The following LDLRAD4 variants were observed in gnomAD, a reference collection of about 807,000 sequenced individuals.
LDLRAD4 encodes the protein low density lipoprotein receptor class A domain containing 4, also known as low-density lipoprotein receptor class A domain-containing protein 4.
Under a neutral mutation model 17.0 loss-of-function variants are expected in LDLRAD4, and 5 were observed. The observed-to-expected ratio is 0.29, with a 90% CI of 0.15 to 0.62. The LOEUF (loss-of-function observed/expected upper bound fraction) is 0.62. Among genes scored for constraint, LDLRAD4 ranks in the 20% least tolerant of loss-of-function variants. The pLI is 0.84. For synonymous variants in LDLRAD4, 168 were observed against 171.8 expected (o/e 0.98, Z 0.17); for missense variants, 340 against 424.7 (o/e 0.80, Z 1.75).
At chr18:13,453,135 A>G (rs1007917060) in intron 3 of LDLRAD4, among the ~76,000 whole-genome samples, 1 of 152,248 alleles carries the variant, frequency 6.6e-6, no homozygotes, top group African/African-American at 2.4e-5. Flanking sequence ...TCGTTTTAAA[A>G]GAAGCAGGAC....
chr18:13,488,523 C>T (rs1195037602), intron 3 of LDLRAD4: 6 of 152,270 alleles, frequency 3.9e-5, no homozygotes, highest in Non-Finnish European at 7.3e-5. Context: ...ATTGTGGAGC[C>T]CTGCCTGTGC....
At chr18:13,455,313 A>G (rs2092068889) in intron 3 of LDLRAD4, among the ~76,000 whole-genome samples, 1 of 152,260 alleles carries the variant, frequency 6.6e-6, no homozygotes, top group Admixed American at 6.5e-5. Flanking sequence ...CTGCCAAATT[A>G]AAATGCACAC....
chr18:13,359,907 G>A (rs1186578283), intron 1 of LDLRAD4, among the ~76,000 whole-genome samples: 1 of 152,236 alleles, frequency 6.6e-6, no homozygotes, highest in Non-Finnish European at 1.5e-5. Context: ...GTGTTTCAAA[G>A]ATTCCCTTCC....
chr18:13,420,915 C>T (rs2089383939), intron 2 of LDLRAD4: 1 of 152,258 alleles, frequency 6.6e-6, no homozygotes, highest in African/African-American at 2.4e-5. Context: ...CCTAGGGTAG[C>T]TTGGGGTGAC....
At chr18:13,489,094 C>T (rs1400708486) in intron 3 of LDLRAD4, 1 of 151,450 alleles carries the variant, frequency 6.6e-6, no homozygotes, top group African/African-American at 2.4e-5. Flanking sequence ...GTGGAATATT[C>T]ATGAAAATTC....
intron 3 of LDLRAD4, among the ~76,000 whole-genome samples, chr18:13,552,398 G>A (rs180764107): frequency 3.3e-5 from 5 of 152,296 alleles, no homozygotes; most frequent in Admixed American, 1.3e-4. Context: ...TATGCCTCCC[G>A]ATCTCCTCTG....
intron 1 of LDLRAD4, among the ~76,000 whole-genome samples, chr18:13,351,666 C>T (rs112630639): frequency 3.5e-4 from 54 of 152,188 alleles, no homozygotes; most frequent in Non-Finnish European, 6.8e-4. Flanking sequence ...AGATTCACAG[C>T]CAAATTCTAC....
At chr18:13,259,490 T>A (rs2043689667) in intron 1 of LDLRAD4, among the ~76,000 whole-genome samples, 1 of 152,172 alleles carries the variant, frequency 6.6e-6, no homozygotes, top group African/African-American at 2.4e-5. Flanking sequence ...TAATTTCTGA[T>A]TGATTTTTGA....
chr18:13,497,537 T>C (rs1332697974), intron 3 of LDLRAD4, among the ~76,000 whole-genome samples: 1 of 151,966 alleles, frequency 6.6e-6, no homozygotes, highest in African/African-American at 2.4e-5. Context: ...GCCTGCTGTG[T>C]CAGTCTTGTA....
intron 3 of LDLRAD4, among the ~76,000 whole-genome samples, chr18:13,481,244 G>C (rs1244569211): frequency 6.6e-6 from 1 of 152,236 alleles, no homozygotes; most frequent in African/African-American, 2.4e-5. Context: ...TTGAGAGGTT[G>C]CCTAGCTGGG....
intron 4 of LDLRAD4, among the ~76,000 whole-genome samples, chr18:13,632,089 A>G (rs1267483915): frequency 2.6e-5 from 4 of 152,230 alleles, no homozygotes; most frequent in Non-Finnish European, 5.9e-5. Flanking sequence ...GGGGGTCCCA[A>G]ACTTCATTCA....
exon 2 of LDLRAD4, chr18:13,387,545 C>A: frequency 1.7e-6 from 1 of 595,388 alleles, no homozygotes; most frequent in East Asian, 3.1e-5. Context: ...AGGTGCCACA[C>A]CCAGGTACCG....
chr18:13,496,873 G>C (rs377659768), intron 3 of LDLRAD4, among the ~76,000 whole-genome samples: 21 of 152,360 alleles, frequency 1.4e-4, no homozygotes, highest in African/African-American at 3.8e-4. Flanking sequence ...CAGCCAGCCC[G>C]AACCTGGGCA....
intron 2 of LDLRAD4, among the ~76,000 whole-genome samples, chr18:13,399,902 AC>A (rs2087021261): frequency 6.6e-6 from 1 of 152,210 alleles, no homozygotes; most frequent in African/African-American, 2.4e-5. Flanking sequence ...CCACAGGAAG[AC>A]CCTTTATTAC....
intron 2 of LDLRAD4, among the ~76,000 whole-genome samples, chr18:13,431,415 G>T (rs2090326203): frequency 6.6e-6 from 1 of 152,184 alleles, no homozygotes; most frequent in South Asian, 2.1e-4. Context: ...ACATAGACGG[G>T]AATCACTGTT....
intron 2 of LDLRAD4, among the ~76,000 whole-genome samples, chr18:13,424,903 C>T (rs541269790): frequency 2.0e-5 from 3 of 152,248 alleles, no homozygotes; most frequent in African/African-American, 7.2e-5. Context: ...GTATGCCTCG[C>T]TAATACGGAC....
intron 3 of LDLRAD4, chr18:13,488,948 G>C (rs1253059914): frequency 1.3e-5 from 2 of 152,224 alleles, no homozygotes; most frequent in African/African-American, 2.4e-5. Context: ...GGATGAGTCA[G>C]AAAACAGTGA....
chr18:13,620,508 C>T (rs956595082), intron 3 of LDLRAD4, among the ~76,000 whole-genome samples: 1 of 152,222 alleles, frequency 6.6e-6, no homozygotes, highest in African/African-American at 2.4e-5. Context: ...GGGTCTGGCT[C>T]ACCTGCTTCC....
At chr18:13,383,730 G>A (rs545981871) in intron 1 of LDLRAD4, among the ~76,000 whole-genome samples, 2 of 152,052 alleles carry the variant, frequency 1.3e-5, no homozygotes, top group African/African-American at 4.8e-5. Context: ...GTTTTCTCTG[G>A]GTCCTGATCA....
Sources: allele counts gnomAD v4.1 joint callset (sites outside exome capture counted in the v4.1 genomes callset), GRCh38; gene constraint gnomAD v4.1.1; transcripts MANE v1.5; gene names NCBI Gene and HGNC (gene_info 2026-07-23, HGNC 2026-07-21).